The following TFB1M variants were observed in gnomAD, a reference collection of about 807,000 sequenced individuals.
TFB1M encodes dimethyladenosine transferase 1, mitochondrial.
In TFB1M, 27 loss-of-function variants were observed where a neutral mutation model predicts 31.1. That is an observed-to-expected ratio of 0.87 (90% CI 0.64 to 1.20). TFB1M has a LOEUF of 1.20. TFB1M is among the 50% of genes most tolerant of loss of function. TFB1M has a pLI of 0.00. For missense variants in TFB1M, 394 were observed against 418.7 expected, an observed-to-expected ratio of 0.94 and a Z score of 0.51; for synonymous variants, 166 against 151.8, an observed-to-expected ratio of 1.09 and a Z score of -0.69.
At chr6:155,268,781 A>C (rs1417226663) in intron 5 of TFB1M, among the ~76,000 whole-genome samples, 1 of 150,488 alleles carries the variant, frequency 6.6e-6, no homozygotes, top group South Asian at 2.1e-4. Context: ...ACCACTCCCT[A>C]ATCTCAAGTA....
intron 5 of TFB1M, among the ~76,000 whole-genome samples, chr6:155,262,709 A>G (rs1425212251): frequency 6.6e-6 from 1 of 152,040 alleles, no homozygotes; most frequent in Non-Finnish European, 1.5e-5. Flanking sequence ...AAATACAGAG[A>G]TAGATGCACT....
the TFB1M span, chr6:155,244,537 T>G: frequency 1.6e-6 from 2 of 1,244,372 alleles, no homozygotes; most frequent in East Asian, 4.7e-5. Context: ...TTAAAGGATT[T>G]ACTTTCTGTC....
the TFB1M span, chr6:155,247,937 G>C: frequency 5.9e-6 from 9 of 1,535,416 alleles, no homozygotes; most frequent in South Asian, 1.1e-4. Context: ...TGTTAAAAGA[G>C]AAATGAAGAA....
chr6:155,240,496 C>T, the TFB1M span: 18 of 1,575,608 alleles, frequency 1.1e-5, no homozygotes, highest in Admixed American at 1.0e-4. Flanking sequence ...GGGAGAGGCC[C>T]GTGCATTATT....
the TFB1M span, among the ~76,000 whole-genome samples, chr6:155,243,215 G>A: frequency 6.6e-6 from 1 of 152,126 alleles, no homozygotes; most frequent in African/African-American, 2.4e-5. Context: ...GAATATGTGA[G>A]TTTGAGATTC....
the TFB1M span, chr6:155,248,165 A>G: frequency 1.2e-6 from 2 of 1,613,742 alleles, no homozygotes; most frequent in South Asian, 2.2e-5. Flanking sequence ...AGCGAGGAGC[A>G]CTACCACCTG....
At chr6:155,231,499 T>G in the TFB1M span, among the ~76,000 whole-genome samples, 1 of 152,250 alleles carries the variant, frequency 6.6e-6, no homozygotes, top group African/African-American at 2.4e-5. Flanking sequence ...ATCTTGAACC[T>G]GTTTTTTAAC....
intron 5 of TFB1M, chr6:155,260,697 A>C (rs1784354988): frequency 2.2e-6 from 1 of 451,772 alleles, no homozygotes; most frequent in Non-Finnish European, 4.1e-6. Flanking sequence ...ATCAATCCAA[A>C]TCATTAAAGT....
intron 2 of TFB1M, among the ~76,000 whole-genome samples, chr6:155,301,604 G>T (rs1777433948): frequency 6.6e-6 from 1 of 152,160 alleles, no homozygotes; most frequent in African/African-American, 2.4e-5. Flanking sequence ...ACAGCCAAAT[G>T]AGTATTTTTA....
At chr6:155,263,208 C>T (rs933414258) in intron 5 of TFB1M, among the ~76,000 whole-genome samples, 3 of 152,022 alleles carry the variant, frequency 2.0e-5, no homozygotes, top group African/African-American at 7.3e-5. Flanking sequence ...ACTATGGTAA[C>T]GAATACAAAA....
intron 1 of TFB1M, chr6:155,313,242 C>T (rs954815761): frequency 2.8e-5 from 4 of 144,122 alleles, no homozygotes; most frequent in Non-Finnish European, 4.5e-5. Context: ...AGTGAAACTC[C>T]ATCTTAAAAA....
At chr6:155,276,816 G>A (rs1267357171) in intron 5 of TFB1M, among the ~76,000 whole-genome samples, 1 of 152,196 alleles carries the variant, frequency 6.6e-6, no homozygotes, top group Non-Finnish European at 1.5e-5. Flanking sequence ...CTGTTTTAAA[G>A]CTACAGTGTG....
intron 5 of TFB1M, among the ~76,000 whole-genome samples, chr6:155,279,622 C>T (rs1785401321): frequency 6.6e-6 from 1 of 152,216 alleles, no homozygotes; most frequent in African/African-American, 2.4e-5. Context: ...TTAGCAAATA[C>T]TAACTTACTT....
chr6:155,266,205 C>G (rs553727865), intron 5 of TFB1M, among the ~76,000 whole-genome samples: 10 of 151,978 alleles, frequency 6.6e-5, no homozygotes, highest in Non-Finnish European at 1.3e-4. Flanking sequence ...TTTTAAAATT[C>G]AGAACCCCAA....
In TFB1M at chr6:155,257,208, A is replaced by G; in HGVS notation, c.*628T>C. 2 of 1,352,978 alleles carry G rather than the reference A, an allele frequency of 1.5e-6. No individual in the cohort carries two copies. The highest frequency in any genetic ancestry group is 2.1e-4 in the Middle Eastern group (1 of 4,666). 83.8% of individuals were successfully genotyped at this position (1,352,978 alleles called of 1,614,324 possible). ...GAAATTGCAAAAAAAAAAAAAAAAA[A>G]AAACTGTTCATTCCTGGGTTTTGTG... is the stretch of plus-strand genomic sequence containing the variant. On this transcript the variant is annotated 3_prime_UTR_variant, in exon 7 of 7. Transcript: ENST00000367166.
chr6:155,259,279 G>A (rs1784280913), intron 6 of TFB1M, among the ~76,000 whole-genome samples: 2 of 152,210 alleles, frequency 1.3e-5, no homozygotes, highest in South Asian at 4.1e-4. Context: ...GCTGGCCAGT[G>A]GCATCTCTGT....
rs923650333 is a variant in TFB1M, at chr6:155,314,081, C to A, written c.133+215G>T. ...ATGCAGCCTGCCGGCAGGCTACACC[C>A]CCCCGAACGCGGAGTTTTGTGAGCA... On this transcript the variant is annotated intron_variant, in intron 1 of 6. Transcript: ENST00000367166. 6 of 1,442,228 alleles carry A rather than the reference C, an allele frequency of 4.2e-6. No homozygotes were observed. In the African/African-American group the frequency reaches 8.5e-5, roughly 20 times the overall value. 89.3% of individuals were successfully genotyped at this position (1,442,228 alleles called of 1,614,324 possible). A position where few individuals can be genotyped will look rare whatever the true frequency, so the allele number is the denominator to read the frequency against.
intron 5 of TFB1M, among the ~76,000 whole-genome samples, chr6:155,279,530 G>C (rs1291638031): frequency 1.3e-5 from 2 of 152,132 alleles, no homozygotes; most frequent in African/African-American, 4.8e-5. Flanking sequence ...GCCCACTAGG[G>C]TAGTTAGACA....
intron 6 of TFB1M, among the ~76,000 whole-genome samples, chr6:155,258,662 T>TA (rs1244451647): frequency 6.6e-6 from 1 of 152,242 alleles, no homozygotes; most frequent in African/African-American, 2.4e-5. Context: ...ACCATTGTTT[T>TA]AAAATGAATA....
Sources: gnomAD v4.1 joint callset for allele counts (sites outside exome capture counted in the v4.1 genomes callset) on GRCh38, gnomAD v4.1.1 for gene constraint, MANE v1.5 for transcripts, NCBI Gene and HGNC (gene_info 2026-07-23, HGNC 2026-07-21) for gene names.